BCHE: variants seen among roughly 807,000 people sequenced by gnomAD.
BCHE encodes butyrylcholinesterase.
Under a neutral mutation model 51.3 loss-of-function variants are expected in BCHE, and 48 were observed. The ratio of observed to expected loss-of-function variants is 0.94; its 90% CI spans 0.74 to 1.19. The LOEUF (loss-of-function observed/expected upper bound fraction) is 1.19, where lower values mean the gene tolerates loss of function less well. Ranked by LOEUF, BCHE falls within the 50% of genes most tolerant of loss-of-function variation. The probability of loss-of-function intolerance (pLI) is 0.00; values close to 1 mark genes in which losing one functional copy is unlikely to be tolerated. For synonymous variants in BCHE, 251 were observed against 238.0 expected, an observed-to-expected ratio of 1.05 and a Z score of -0.50; for missense variants, 847 against 708.2, an observed-to-expected ratio of 1.20 and a Z score of -2.23.
intron 2 of BCHE, among the ~76,000 whole-genome samples, chr3:165,823,935 T>A (rs1474112218): frequency 2.4e-4 from 1 of 4,208 alleles, no homozygotes; most frequent in Non-Finnish European, 2.2e-3. Context: ...CCCAACCAAC[T>A]TTTTTTTTTT....
At chr3:165,809,022 T>C (rs1713977859) in intron 2 of BCHE, among the ~76,000 whole-genome samples, 1 of 152,162 alleles carries the variant, frequency 6.6e-6, no homozygotes, top group Admixed American at 6.5e-5. Flanking sequence ...TTTGACTTTA[T>C]ATATTATATT....
chr3:165,789,674 A>G (rs1450024506), intron 2 of BCHE, among the ~76,000 whole-genome samples: 1 of 152,136 alleles, frequency 6.6e-6, no homozygotes, highest in Non-Finnish European at 1.5e-5. Context: ...GAAATCTTTC[A>G]CTGTCATAAG....
intron 3 of BCHE, among the ~76,000 whole-genome samples, chr3:165,781,007 C>T (rs531838380): frequency 2.6e-5 from 4 of 152,066 alleles, no homozygotes; most frequent in South Asian, 2.1e-4. Flanking sequence ...TTTGGGAGGC[C>T]GAGGTAGGTG....
intron 2 of BCHE, among the ~76,000 whole-genome samples, chr3:165,808,474 T>C (rs923439029): frequency 4.6e-5 from 7 of 152,142 alleles, no homozygotes; most frequent in Non-Finnish European, 1.0e-4. Context: ...TTAGTAGCTG[T>C]TGATATGTTT....
chr3:165,774,342 A>T (rs553824828), intron 3 of BCHE, among the ~76,000 whole-genome samples: 307 of 150,612 alleles, frequency 2.0e-3, no homozygotes, highest in African/African-American at 6.3e-3. Context: ...TTATTTATTT[A>T]TTTTTTTTTG....
intron 3 of BCHE, among the ~76,000 whole-genome samples, chr3:165,776,765 A>G (rs1712487895): frequency 6.6e-6 from 1 of 151,728 alleles, no homozygotes; most frequent in East Asian, 1.9e-4. Context: ...ATATTTTATA[A>G]AGAAAAATGA....
At position 165,773,390 on chromosome 3, in the gene BCHE, C is replaced by G. The variant is rs748586820; in HGVS notation, c.1801G>C (p.Gly601Arg). 2 of 1,610,072 alleles carry G rather than the reference C, an allele frequency of 1.2e-6. No individual in the cohort carries two copies. The highest frequency in any genetic ancestry group is 1.7e-6 in the Non-Finnish European group (2 of 1,177,364). ...AAGGGTAAATCTATTAATTAGAGAC[C>G]CACACAACTTTCTTTCTTGCTAGTG... ...DYTSKKESCV[G>R]L is the part of the protein sequence containing the mutation. Residue 601 changes from glycine (G) to arginine (R), a missense_variant, in exon 4 of 4, where the codon GGT (glycine) becomes CGT (arginine). Gly to Arg is a moderately radical substitution (Grantham distance 125, BLOSUM62 -2). Transcript: ENST00000264381.
intron 2 of BCHE, among the ~76,000 whole-genome samples, chr3:165,804,042 G>C (rs1189071775): frequency 7.9e-6 from 1 of 125,862 alleles, no homozygotes; most frequent in African/African-American, 2.5e-5. Flanking sequence ...AAAATGGTAA[G>C]CCTAGAAAGG....
intron 2 of BCHE, among the ~76,000 whole-genome samples, chr3:165,820,384 A>G (rs1419571926): frequency 2.0e-5 from 3 of 152,048 alleles, no homozygotes; most frequent in Non-Finnish European, 4.4e-5. Context: ...TTTATATTCT[A>G]TCTGTTAAAA....
At chr3:165,804,618 T>C (rs983796115) in intron 2 of BCHE, among the ~76,000 whole-genome samples, 1 of 152,080 alleles carries the variant, frequency 6.6e-6, no homozygotes, top group Non-Finnish European at 1.5e-5. Context: ...CTGATTAATT[T>C]TGGGTTTTGT....
intron 2 of BCHE, among the ~76,000 whole-genome samples, chr3:165,821,618 AG>A (rs1714521444): frequency 6.6e-6 from 1 of 151,986 alleles, no homozygotes; most frequent in Non-Finnish European, 1.5e-5. Flanking sequence ...AGTGTATTTC[AG>A]GTACTTTAAT....
chr3:165,785,574 T>TTATAATATGTAATATTATATAA (rs1465395297), intron 3 of BCHE, among the ~76,000 whole-genome samples: 9 of 151,604 alleles, frequency 5.9e-5, no homozygotes, highest in African/African-American at 1.9e-4. Flanking sequence ...AACTATTTGT[T>TTATAATATGTAATATTATATAA]TATAATATGT....
chr3:165,810,805 G>A (rs1012855446), intron 2 of BCHE, among the ~76,000 whole-genome samples: 1 of 151,966 alleles, frequency 6.6e-6, no homozygotes, highest in Admixed American at 6.6e-5. Context: ...TTGGTCTTTA[G>A]TATACTGTTA....
At chr3:165,800,949 GA>G (rs1366103582) in intron 2 of BCHE, among the ~76,000 whole-genome samples, 4 of 152,096 alleles carry the variant, frequency 2.6e-5, no homozygotes, top group African/African-American at 9.7e-5. Context: ...ATATAAGCAG[GA>G]TAACCAAATT....
rs150379406 is a variant in BCHE, at chr3:165,815,218, A to T, written c.1517+14299T>A. ...GTTTCTCAAATTTCCATAACAGCCAAGGAGATAGGTATTAACACTTTGATT... is the reference window on the plus strand; with the variant it reads ...GTTTCTCAAATTTCCATAACAGCCATGGAGATAGGTATTAACACTTTGATT... On this transcript the variant is annotated intron_variant, in intron 2 of 3. Coordinates refer to ENST00000264381, the MANE Select transcript of BCHE (RefSeq NM_000055.4). Among the ~76,000 whole-genome samples the T allele has an allele frequency of 1.6e-3, 242 of 147,730 alleles. 1 individual carries two copies. Among genetic ancestry groups the T allele is most frequent in the African/African-American group, 5.6e-3 (226 of 40,354 alleles).
Position 165,837,397 on chromosome 3 carries a change from G to C in BCHE, c.-92C>G. 1.6e-6 allele frequency: 2 copies of C among 1,289,772 alleles called. No individual in the cohort carries two copies. The highest frequency in any genetic ancestry group is 2.0e-6 in the Non-Finnish European group (2 of 988,830). 79.9% of individuals were successfully genotyped at this position (1,289,772 alleles called of 1,614,324 possible). A position where few individuals can be genotyped will look rare whatever the true frequency, so the allele number is the denominator to read the frequency against. ...CGGGGAAATGCAGGATGCAGCTGCT[G>C]CTCCAGCCTGTAAATTGGACTGCAC... On this transcript the variant is annotated 5_prime_UTR_variant, in exon 1 of 4. Coordinates refer to ENST00000264381, the MANE Select transcript of BCHE (RefSeq NM_000055.4).
chr3:165,835,024 A>C (rs1715140816), intron 1 of BCHE, among the ~76,000 whole-genome samples: 1 of 151,886 alleles, frequency 6.6e-6, no homozygotes, highest in Non-Finnish European at 1.5e-5. Flanking sequence ...AAATAAAGAC[A>C]GGAGTTTTTG....
At chr3:165,783,146 C>T (rs1388667496) in intron 3 of BCHE, among the ~76,000 whole-genome samples, 2 of 152,088 alleles carry the variant, frequency 1.3e-5, no homozygotes, top group African/African-American at 4.8e-5. Flanking sequence ...TGAGTGTTCA[C>T]TGAAAATCTG....
rs1432641226 is a variant in BCHE at position 165,830,192 on chromosome 3, G to C, written c.842C>G (p.Ser281Cys). 2 of 1,613,812 alleles carry C rather than the reference G, an allele frequency of 1.2e-6. No homozygotes were observed. The highest frequency in any genetic ancestry group is 1.7e-6 in the Non-Finnish European group (2 of 1,179,922). The change falls in exon 2 of 4, where the codon TCT (serine) becomes TGT (cysteine). Residue 281 changes from serine to cysteine, a missense_variant. Transcript: ENST00000264381. ...GATTATTTCAGTCTCATTCTCTCTA[G>C]AGCAACCAGTCAATTTAGCTAAGTT... ...TLNLAKLTGC[S>C]RENETEIIKC...
Sources: gnomAD v4.1 joint callset for allele counts (sites outside exome capture counted in the v4.1 genomes callset) on GRCh38, gnomAD v4.1.1 for gene constraint, MANE v1.5 for transcripts, NCBI Gene and HGNC (gene_info 2026-07-23, HGNC 2026-07-21) for gene names.